Variants in OXR1 observed in about 807,000 individuals in gnomAD.
The protein encoded by OXR1 is oxidation resistance 1.
In OXR1, 41 loss-of-function variants were observed where a neutral mutation model predicts 104.6. That is an observed-to-expected ratio of 0.39 (90% confidence interval 0.31 to 0.51). The LOEUF (loss-of-function observed/expected upper bound fraction) is 0.51, where lower values mean the gene tolerates loss of function less well. Among genes scored for constraint, OXR1 ranks in the 20% least tolerant of loss-of-function variants. The pLI, the probability that OXR1 is intolerant of heterozygous loss-of-function variation, is 0.77. For synonymous variants in OXR1, 348 were observed against 348.4 expected, an observed-to-expected ratio of 1.00 and a Z score of 0.01; for missense variants, 955 against 1,031.9, an observed-to-expected ratio of 0.93 and a Z score of 1.02.
intron 3 of OXR1, among the ~76,000 whole-genome samples, chr8:106,621,303 T>C (rs373987730): frequency 9.0e-4 from 137 of 152,252 alleles, no homozygotes; most frequent in African/African-American, 3.2e-3. Flanking sequence ...AATTCAAAAC[T>C]AACTGGGCGT....
intron 3 of OXR1, among the ~76,000 whole-genome samples, chr8:106,611,204 G>A (rs1173112562): frequency 6.6e-6 from 1 of 152,204 alleles, no homozygotes; most frequent in Non-Finnish European, 1.5e-5. Flanking sequence ...AGCAAGGGCT[G>A]GCCAATGTCT....
Position 106,743,444 on chromosome 8 carries a change from C to T in OXR1, c.2412+1127C>T, listed in dbSNP as rs183261834. Among the ~76,000 whole-genome samples, 31 of 152,316 alleles carry T rather than the reference C, an allele frequency of 2.0e-4. No individual in the cohort carries two copies. The East Asian group carries it at 6.0e-3, about 29-fold the overall frequency. ...TCAAGCAATTCTCCTGCCTCAGCCT[C>T]CCAAGTAGCTGGGATTACAGGTGTA... On this transcript the variant is annotated intron_variant, in intron 15 of 16. Transcript: ENST00000517566.
At chr8:106,365,950 G>A (rs1353954484) in intron 2 of OXR1, among the ~76,000 whole-genome samples, 1 of 152,120 alleles carries the variant, frequency 6.6e-6, no homozygotes, top group East Asian at 1.9e-4. Context: ...CATTTAATGA[G>A]CCTGAGGTTG....
chr8:106,406,011 A>G (rs35861705), intron 2 of OXR1, among the ~76,000 whole-genome samples: 33,050 of 152,126 alleles, frequency 0.22, 4,946 homozygotes, highest in East Asian at 0.42. Flanking sequence ...AACTCTAAAA[A>G]GCATGAATAG....
At chr8:106,460,742 T>C (rs186582852) in intron 2 of OXR1, among the ~76,000 whole-genome samples, 154 of 152,292 alleles carry the variant, frequency 1.0e-3, no homozygotes, top group African/African-American at 3.0e-3. Flanking sequence ...TAAGGCAAAA[T>C]CGTTCCCTGT....
At chr8:106,402,439 A>G (rs1818038213) in intron 2 of OXR1, among the ~76,000 whole-genome samples, 1 of 152,160 alleles carries the variant, frequency 6.6e-6, no homozygotes, top group South Asian at 2.1e-4. Context: ...TGCTGAGTAT[A>G]TTTATTTCAG....
At chr8:106,398,636 T>C (rs1817880696) in intron 2 of OXR1, among the ~76,000 whole-genome samples, 1 of 152,164 alleles carries the variant, frequency 6.6e-6, no homozygotes, top group Non-Finnish European at 1.5e-5. Context: ...TAAATGGCTC[T>C]CAGCAAATTT....
rs1000028896 is a variant in OXR1 at position 106,358,271 on chromosome 8, C to T, written c.-138-1205C>T. 3.3e-5 allele frequency among the ~76,000 whole-genome samples: 5 copies of T among 152,198 alleles called. No homozygotes were observed. In the South Asian group the frequency reaches 6.2e-4, roughly 19 times the overall value. On this transcript the variant is annotated intron_variant, in intron 1 of 16. Transcript: ENST00000517566. ...CATATATGCCTTGGCCTTCTCAGGT[C>T]GAGATTTATTTGTATGAAAGAAAAA...
intron 8 of OXR1, among the ~76,000 whole-genome samples, chr8:106,705,930 G>A (rs1204871876): frequency 6.7e-6 from 1 of 148,160 alleles, no homozygotes; most frequent in Non-Finnish European, 1.5e-5. Flanking sequence ...ATGTAAATAA[G>A]CACTGTGTGT....
intron 1 of OXR1, among the ~76,000 whole-genome samples, chr8:106,330,301 T>G (rs1036057385): frequency 1.3e-5 from 2 of 152,326 alleles, no homozygotes; most frequent in Admixed American, 6.5e-5. Flanking sequence ...TAGTTCAGCT[T>G]CATGGTGGGG....
intron 2 of OXR1, among the ~76,000 whole-genome samples, chr8:106,456,680 A>T (rs184441256): frequency 6.6e-6 from 1 of 152,162 alleles, no homozygotes; most frequent in Non-Finnish European, 1.5e-5. Context: ...TCCATCCATG[A>T]TAACATAACA....
Position 106,609,650 on chromosome 8 carries a change from C to T in OXR1, c.221-69560C>T, listed in dbSNP as rs544192119. 1.2e-3 allele frequency among the ~76,000 whole-genome samples: 189 copies of T among 152,054 alleles called. 1 individual carries two copies. The highest frequency in any genetic ancestry group is 2.4e-3 in the Non-Finnish European group (164 of 68,012). ...TGGGTTAATTGTCAAAGTTAGAATG[C>T]AGATGACAGATTACAGAAAAGTATT... is the stretch of plus-strand genomic sequence containing the variant. On this transcript the variant is annotated intron_variant, in intron 3 of 16. Transcript: ENST00000517566.
intron 2 of OXR1, among the ~76,000 whole-genome samples, chr8:106,477,357 A>G (rs1453486440): frequency 6.6e-6 from 1 of 151,990 alleles, no homozygotes; most frequent in Non-Finnish European, 1.5e-5. Context: ...TGAGCTCACC[A>G]CAATAACAAC....
At chr8:106,419,888 C>A (rs1818835435) in intron 2 of OXR1, among the ~76,000 whole-genome samples, 1 of 152,186 alleles carries the variant, frequency 6.6e-6, no homozygotes, top group East Asian at 1.9e-4. Context: ...GAAAAGGAAA[C>A]AATTCATCCT....
rs548735110 is a variant in OXR1 at position 106,379,400 on chromosome 8, A to G, written c.23+19764A>G. Among the ~76,000 whole-genome samples the G allele has an allele frequency of 6.6e-5, 10 of 152,262 alleles. No individual in the cohort carries two copies. The South Asian group carries it at 1.9e-3, about 28-fold the overall frequency. On this transcript the variant is annotated intron_variant, in intron 2 of 16. Coordinates refer to ENST00000517566, the MANE Select transcript of OXR1 (RefSeq NM_001198533.2). ...TAAAGTTGTTTTTTGACAAGAGAAG[A>G]ACATTATAAGCATGTAAGATCATGC...
chr8:106,451,962 C>T (rs10099574), intron 2 of OXR1, among the ~76,000 whole-genome samples: 16,889 of 152,152 alleles, frequency 0.11, 3,175 homozygotes, highest in African/African-American at 0.39. Flanking sequence ...GTTAAAAACA[C>T]GAGAACGTGA....
At chr8:106,713,716 G>T (rs1026955742) in intron 10 of OXR1, 107 bp from the exon 11 acceptor site, 2 of 588,532 alleles carry the variant, frequency 3.4e-6, no homozygotes, top group Non-Finnish European at 5.7e-6. Context: ...AATATATTTT[G>T]TGTATATTTT....
intron 3 of OXR1, among the ~76,000 whole-genome samples, chr8:106,549,436 A>G: frequency 6.6e-6 from 1 of 152,288 alleles, no homozygotes; most frequent in African/African-American, 2.4e-5. Flanking sequence ...GTATGAACAC[A>G]ATTTAGAAAC....
At chr8:106,519,815 T>C (rs143023772) in intron 3 of OXR1, among the ~76,000 whole-genome samples, 2 of 152,338 alleles carry the variant, frequency 1.3e-5, no homozygotes, top group East Asian at 3.9e-4. Flanking sequence ...TTTTAACATT[T>C]AATCAGACAG....
Sources: gnomAD v4.1 joint callset for allele counts (sites outside exome capture counted in the v4.1 genomes callset) on GRCh38, gnomAD v4.1.1 for gene constraint, MANE v1.5 for transcripts, NCBI Gene and HGNC (gene_info 2026-07-23, HGNC 2026-07-21) for gene names.